TMIGD2: variants seen among roughly 807,000 people sequenced by gnomAD.
TMIGD2 encodes transmembrane and immunoglobulin domain-containing protein 2.
In TMIGD2, 18 loss-of-function variants were observed where a neutral mutation model predicts 22.6. The ratio of observed to expected loss-of-function variants is 0.80; its 90% CI spans 0.55 to 1.18. The LOEUF is 1.18. Ranked by LOEUF, TMIGD2 falls within the 50% of genes most tolerant of loss-of-function variation. The pLI is 0.00. For synonymous variants in TMIGD2, 184 were observed against 154.1 expected (o/e 1.19, Z -1.44); for missense variants, 361 against 378.2 (o/e 0.95, Z 0.38).
At chr19:4,296,798 G>C (rs1409758593) in intron 2 of TMIGD2, among the ~76,000 whole-genome samples, 1 of 152,198 alleles carries the variant, frequency 6.6e-6, no homozygotes, top group Non-Finnish European at 1.5e-5. Context: ...TCTGCCAGAG[G>C]GGGCTGGACA....
chr19:4,294,744 C>G (rs755399980), intron 3 of TMIGD2, 31 bp downstream of exon 3: 1 of 1,576,376 alleles, frequency 6.3e-7, no homozygotes, highest in South Asian at 1.2e-5. Context: ...GGGTGGAAGA[C>G]GCTGGGGGAG....
intron 2 of TMIGD2, among the ~76,000 whole-genome samples, chr19:4,297,760 C>T (rs567397718): frequency 1.7e-4 from 25 of 151,132 alleles, no homozygotes; most frequent in African/African-American, 5.6e-4. Context: ...GAGGCTGAGG[C>T]GGGAGAATCG....
At chr19:4,294,745 G>A (rs748117754) in intron 3 of TMIGD2, 30 bp downstream of exon 3, 42 of 1,578,532 alleles carry the variant, frequency 2.7e-5, no homozygotes, top group Admixed American at 3.6e-5. Context: ...GGTGGAAGAC[G>A]CTGGGGGAGG....
chr19:4,293,341 G>C (rs1156270539), intron 4 of TMIGD2, among the ~76,000 whole-genome samples: 1 of 142,798 alleles, frequency 7.0e-6, no homozygotes, highest in Non-Finnish European at 1.5e-5. Flanking sequence ...GCTCACTGCA[G>C]TCTCCACCTC....
chr19:4,295,618 C>T (rs1158436529), intron 2 of TMIGD2, among the ~76,000 whole-genome samples: 2 of 151,874 alleles, frequency 1.3e-5, no homozygotes, highest in Non-Finnish European at 2.9e-5. Flanking sequence ...TGTGGAAAAA[C>T]TGCCAACTGG....
chr19:4,295,357 G>A (rs1046503218), intron 2 of TMIGD2, among the ~76,000 whole-genome samples: 2 of 151,034 alleles, frequency 1.3e-5, no homozygotes, highest in Non-Finnish European at 1.5e-5. Context: ...TCAGGCGATC[G>A]AGACCATCCT....
intron 2 of TMIGD2, 107 bp downstream of exon 2, chr19:4,297,879 G>T: frequency 6.1e-6 from 8 of 1,305,192 alleles, no homozygotes; most frequent in South Asian, 1.7e-5. Context: ...AAAAAAGTTT[G>T]ATATGAAGAA....
chr19:4,292,510 T>C (rs888327915), exon 5 of TMIGD2: 4 of 1,328,714 alleles, frequency 3.0e-6, no homozygotes, highest in Non-Finnish European at 4.3e-6. Context: ...CTGCTGGGAT[T>C]ACAGGCGTGA....
intron 1 of TMIGD2, among the ~76,000 whole-genome samples, chr19:4,300,386 G>A (rs1303825821): frequency 6.6e-6 from 1 of 151,664 alleles, no homozygotes; most frequent in Non-Finnish European, 1.5e-5. Context: ...GTGAAACCCC[G>A]TCTCTACTAA....
chr19:4,297,260 G>A (rs1230263006), intron 2 of TMIGD2, among the ~76,000 whole-genome samples: 2 of 151,900 alleles, frequency 1.3e-5, no homozygotes, highest in African/African-American at 4.8e-5. Context: ...TAGAGAGGGG[G>A]TTTTCATCAT....
rs140009472 is a variant in TMIGD2 at position 4,297,475 on chromosome 19, T to G, written c.406+511A>C. ...GCCTCCAGCTCCTGGGCTCAGGTGA[T>G]CCTCTTGCCTTAGCCTCCCAAAATG... On this transcript the variant is annotated intron_variant, in intron 2 of 4. Coordinates refer to ENST00000301272, the Ensembl canonical transcript of TMIGD2. Among the ~76,000 whole-genome samples, 1,130 of 152,310 alleles carry G rather than the reference T, an allele frequency of 7.4e-3. 14 individuals are homozygous for G. The highest frequency in any genetic ancestry group is 0.01 in the Non-Finnish European group (710 of 68,030).
chr19:4,297,289 G>A (rs1035349027), intron 2 of TMIGD2, among the ~76,000 whole-genome samples: 33 of 151,954 alleles, frequency 2.2e-4, no homozygotes, highest in African/African-American at 7.5e-4. Context: ...GGCTGGTCTC[G>A]AACCCCTGAC....
At position 4,294,611 on chromosome 19, in the gene TMIGD2, C is replaced by T; in HGVS notation, c.518G>A (p.Trp173Ter). The T allele has an allele frequency of 1.2e-6, 2 of 1,610,718 alleles. No individual in the cohort carries two copies. The highest frequency in any genetic ancestry group is 1.7e-6 in the Non-Finnish European group (2 of 1,178,360). ...CCTTTGCTGGCAGCTGCGGCGGCCC[C>T]AGAACCAGGCACCCCACACGATCGC... Residue 173 changes from tryptophan to a stop codon, truncating the protein, a stop_gained, in exon 4 of 5, where the codon TGG (tryptophan) becomes TAG (stop). Transcript: ENST00000301272. LOFTEE classifies it low-confidence loss of function (END_TRUNC).
exon 5 of TMIGD2, chr19:4,292,856 G>A (rs369719213): frequency 3.8e-5 from 62 of 1,613,712 alleles, no homozygotes; most frequent in Admixed American, 1.5e-4. Context: ...CCCCGGGGCC[G>A]GTATAGGACG....
chr19:4,293,260 C>CTTT (rs150388447), intron 4 of TMIGD2, among the ~76,000 whole-genome samples: 28 of 112,418 alleles, frequency 2.5e-4, no homozygotes, highest in African/African-American at 6.4e-4. Flanking sequence ...CGCGCCCGGC[C>CTTT]TTTTTTTTTT....
chr19:4,298,001 G>A, exon 2 of TMIGD2: 1 of 1,600,278 alleles, frequency 6.2e-7, no homozygotes, highest in South Asian at 1.1e-5. Context: ...TCCACAAAGA[G>A]CCTTGTTATG....
chr19:4,293,832 G>A (rs1720468056), intron 4 of TMIGD2, among the ~76,000 whole-genome samples: 1 of 151,896 alleles, frequency 6.6e-6, no homozygotes. Context: ...GGCAGTCTGG[G>A]CTCACTGCAA....
Position 4,293,120 on chromosome 19 carries a change from T to C in TMIGD2, c.563-235A>G, listed in dbSNP as rs371058688. On this transcript the variant is annotated intron_variant, in intron 4 of 4. Coordinates refer to ENST00000301272, the Ensembl canonical transcript of TMIGD2. ...CTGGGACTACAGGCTCCCGCCACCA[T>C]GCCTGGCTGATTTTTTGTATTTTTA... 1.2e-4 allele frequency among the ~76,000 whole-genome samples: 18 copies of C among 151,914 alleles called. No homozygotes were observed. In the South Asian group the frequency reaches 1.5e-3, roughly 12 times the overall value.
chr19:4,293,481 C>G (rs958978503), intron 4 of TMIGD2, among the ~76,000 whole-genome samples: 14 of 137,700 alleles, frequency 1.0e-4, no homozygotes, highest in Admixed American at 3.0e-4. Flanking sequence ...AGGCTGGTCT[C>G]GAACTCCTGG....
Sources: allele counts gnomAD v4.1 joint callset (sites outside exome capture counted in the v4.1 genomes callset), GRCh38; gene constraint gnomAD v4.1.1; transcripts MANE v1.5; gene names NCBI Gene and HGNC (gene_info 2026-07-23, HGNC 2026-07-21).